The following DENND4A variants were observed in gnomAD, a reference collection of about 807,000 sequenced individuals.
The protein encoded by DENND4A is C-myc promoter-binding protein.
In DENND4A, 70 loss-of-function variants were observed where a neutral mutation model predicts 199.3. That is an observed-to-expected ratio of 0.35 (90% CI 0.29 to 0.43). The LOEUF (loss-of-function observed/expected upper bound fraction) is 0.43. Among genes scored for constraint, DENND4A ranks in the 20% least tolerant of loss-of-function variants. The pLI is 1.00. For missense variants in DENND4A, 1,723 were observed against 2,255.8 expected (o/e 0.76, Z 4.78); for synonymous variants, 686 against 766.9 (o/e 0.89, Z 1.74).
At chr15:65,686,223 A>G (rs2076774694) in intron 23 of DENND4A, among the ~76,000 whole-genome samples, 1 of 152,214 alleles carries the variant, frequency 6.6e-6, no homozygotes. Flanking sequence ...GTAACTCTTT[A>G]CAATGTACTT....
intron 1 of DENND4A, among the ~76,000 whole-genome samples, chr15:65,777,532 T>C (rs1398521495): frequency 6.6e-6 from 1 of 152,022 alleles, no homozygotes; most frequent in Non-Finnish European, 1.5e-5. Context: ...TTTGTATTTT[T>C]AGTACAGATG....
At chr15:65,772,041 G>C in intron 1 of DENND4A, 1 of 1,333,804 alleles carries the variant, frequency 7.5e-7, no homozygotes, top group East Asian at 2.4e-5. Context: ...GAGCTTCTCG[G>C]CCTTCTGCAG....
At chr15:65,727,540 T>C (rs945521627) in intron 11 of DENND4A, among the ~76,000 whole-genome samples, 1 of 151,982 alleles carries the variant, frequency 6.6e-6, no homozygotes, top group African/African-American at 2.4e-5. Context: ...GGCAGGAGGA[T>C]TGCTTGATCC....
chr15:65,782,508 A>G (rs1322901319), intron 1 of DENND4A, among the ~76,000 whole-genome samples: 2 of 152,176 alleles, frequency 1.3e-5, no homozygotes, highest in African/African-American at 2.4e-5. Context: ...AGGCTCCACA[A>G]TCAGACTGGT....
rs1003163136 is a variant in DENND4A at position 65,692,496 on chromosome 15, T to G, written c.3083-985A>C. On this transcript the variant is annotated intron_variant, in intron 22 of 32. Coordinates refer to ENST00000443035, the MANE Select transcript of DENND4A (RefSeq NM_001320835.1). Reference sequence around the variant, plus strand: ...CATGCTTTATGCACAGAATTAGCTCTCTATAGCCAGACAAGTATTGAAAAT... The same window carrying G: ...CATGCTTTATGCACAGAATTAGCTCGCTATAGCCAGACAAGTATTGAAAAT... 2.6e-5 allele frequency among the ~76,000 whole-genome samples: 4 copies of G among 152,310 alleles called. No individual in the cohort carries two copies. The East Asian group carries it at 7.7e-4, about 29-fold the overall frequency.
At chr15:65,703,056 CAT>C in intron 15 of DENND4A, 48 bp from the exon 16 acceptor site, 1 of 1,534,092 alleles carries the variant, frequency 6.5e-7, no homozygotes, top group Non-Finnish European at 8.9e-7. Flanking sequence ...CTCAAGCACA[CAT>C]AGATGATCAT....
intron 15 of DENND4A, among the ~76,000 whole-genome samples, chr15:65,703,326 G>T (rs1325642361): frequency 6.6e-6 from 1 of 152,164 alleles, no homozygotes; most frequent in African/African-American, 2.4e-5. Context: ...TTAATACATA[G>T]CAAACATATT....
chr15:65,675,350 A>T (rs1347645433), intron 24 of DENND4A, among the ~76,000 whole-genome samples: 1 of 152,184 alleles, frequency 6.6e-6, no homozygotes, highest in Non-Finnish European at 1.5e-5. Context: ...ACACTGGTGG[A>T]TTCTTTTACA....
At chr15:65,675,949 T>C (rs2076360725) in intron 24 of DENND4A, among the ~76,000 whole-genome samples, 1 of 151,882 alleles carries the variant, frequency 6.6e-6, no homozygotes, top group Non-Finnish European at 1.5e-5. Context: ...GTCGCTAAAA[T>C]AAATTATAAT....
intron 1 of DENND4A, among the ~76,000 whole-genome samples, chr15:65,785,474 A>G (rs1307392834): frequency 2.0e-5 from 3 of 149,426 alleles, no homozygotes; most frequent in Non-Finnish European, 3.0e-5. Flanking sequence ...TGGGTGACAG[A>G]GCAACATCCT....
chr15:65,714,731 T>C (rs943281812), intron 14 of DENND4A, among the ~76,000 whole-genome samples: 1 of 152,224 alleles, frequency 6.6e-6, no homozygotes, highest in Non-Finnish European at 1.5e-5. Context: ...CTTCTCATCC[T>C]GTTTAGGTTC....
chr15:65,683,030 T>A (rs1043915148), intron 23 of DENND4A, among the ~76,000 whole-genome samples: 2 of 152,150 alleles, frequency 1.3e-5, no homozygotes, highest in Non-Finnish European at 2.9e-5. Context: ...CAAAAAAGTT[T>A]GAAATATTGC....
intron 14 of DENND4A, among the ~76,000 whole-genome samples, chr15:65,707,690 T>C: frequency 8.2e-6 from 1 of 122,686 alleles, no homozygotes; most frequent in African/African-American, 3.2e-5. Flanking sequence ...CATATTATGA[T>C]TTTTTTTTTT....
rs2076955083 is a variant in DENND4A, at chr15:65,691,123, A to C, written c.3471T>G (p.Asp1157Glu). 2 of 1,613,330 alleles carry C rather than the reference A, an allele frequency of 1.2e-6. No individual in the cohort carries two copies. The highest frequency in any genetic ancestry group is 1.3e-5 in the African/African-American group (1 of 75,030). The change falls in exon 23 of 33, where the codon GAT becomes GAG. Residue 1157 changes from aspartate to glutamate, a missense_variant. Asp to Glu is a conservative substitution (Grantham distance 45). Around this residue, in one of 6 missense-constraint regions of DENND4A, gnomAD observed 650 missense variants for 738.1 expected, o/e 0.88. Coordinates refer to ENST00000443035, the MANE Select transcript of DENND4A (RefSeq NM_001320835.1). ...TPFDGSNYLADKVDSPVIFDL... is the reference protein window; with the variant it reads ...TPFDGSNYLAEKVDSPVIFDL... Reference sequence around the variant, plus strand: ...CAAAAATAACAGGAGAATCCACTTTATCTGCCAAATAGTTAGAACCATCAA... The same window carrying C: ...CAAAAATAACAGGAGAATCCACTTTCTCTGCCAAATAGTTAGAACCATCAA...
intron 5 of DENND4A, 73 bp downstream of exon 5, chr15:65,741,642 T>G (rs1596571721): frequency 7.2e-6 from 9 of 1,257,034 alleles, no homozygotes; most frequent in African/African-American, 1.5e-5. Context: ...ACTAGGCAGG[T>G]TTCTTTACTT....
In DENND4A at chr15:65,676,618, C is replaced by T. The variant is rs769556393; in HGVS notation, c.4196G>A (p.Arg1399His). 3.1e-6 allele frequency: 5 copies of T among 1,611,356 alleles called. No individual in the cohort carries two copies. The highest frequency in any genetic ancestry group is 2.2e-5 in the South Asian group (2 of 90,478). ...GGCTCCCACTGAAGAAAGACTGGTA[C>T]GATCAGAACTTTGATCCTAAGGACA... ...TTSSKDQSSD[R>H]TSLSSVGAQD... The change falls in exon 24 of 33, where the codon CGT (arginine) becomes CAT (histidine). Residue 1399 changes from arginine (R) to histidine (H), a missense_variant. This residue lies in a region of DENND4A where 650 missense variants were observed against 738.1 expected (regional missense o/e 0.88). Transcript: ENST00000443035.
intron 23 of DENND4A, among the ~76,000 whole-genome samples, chr15:65,679,413 T>C (rs1159988293): frequency 6.6e-6 from 1 of 152,226 alleles, no homozygotes; most frequent in Non-Finnish European, 1.5e-5. Context: ...ATCCTCACTT[T>C]AAAAGAAATA....
At chr15:65,784,980 T>G (rs910892877) in intron 1 of DENND4A, among the ~76,000 whole-genome samples, 1 of 151,954 alleles carries the variant, frequency 6.6e-6, no homozygotes, top group East Asian at 1.9e-4. Context: ...AAACCCCACC[T>G]CTAACAAAAA....
intron 4 of DENND4A, among the ~76,000 whole-genome samples, chr15:65,749,834 G>T (rs577152552): frequency 6.6e-6 from 1 of 152,258 alleles, no homozygotes; most frequent in South Asian, 2.1e-4. Context: ...AACTGCCACA[G>T]CGTTTTCAGA....
Sources: gnomAD v4.1 joint callset for allele counts (sites outside exome capture counted in the v4.1 genomes callset) on GRCh38, gnomAD v4.1.1 for gene constraint, gnomAD v4.1.1 regional missense constraint, MANE v1.5 for transcripts, NCBI Gene and HGNC (gene_info 2026-07-23, HGNC 2026-07-21) for gene names.